RPA2: variants seen among roughly 807,000 people sequenced by gnomAD.
RPA2 encodes the protein replication protein A 32 kDa subunit.
A neutral mutation model predicts 33.4 loss-of-function variants in RPA2; 22 were observed. The observed-to-expected ratio is 0.66, with a 90% CI of 0.47 to 0.94. The LOEUF (loss-of-function observed/expected upper bound fraction) is 0.94. RPA2 is among the 40% of genes least tolerant of loss of function. The probability of loss-of-function intolerance (pLI) is 0.00; values close to 1 mark genes in which losing one functional copy is unlikely to be tolerated. For synonymous variants in RPA2, 109 were observed against 114.9 expected (o/e 0.95, Z 0.33); for missense variants, 279 against 329.9 (o/e 0.85, Z 1.19).
intron 2 of RPA2, among the ~76,000 whole-genome samples, chr1:27,908,893 G>A (rs879183945): frequency 2.0e-5 from 3 of 152,140 alleles, no homozygotes; most frequent in Admixed American, 2.0e-4. Context: ...TGAATATGAT[G>A]GGACAGGATT....
chr1:27,903,337 T>A (rs974686629), intron 4 of RPA2, among the ~76,000 whole-genome samples: 1 of 152,212 alleles, frequency 6.6e-6, no homozygotes, highest in Admixed American at 6.5e-5. Context: ...CCTGACTGGG[T>A]CCACTGTTAA....
chr1:27,902,119 C>T (rs2089975206), intron 4 of RPA2, among the ~76,000 whole-genome samples: 1 of 151,880 alleles, frequency 6.6e-6, no homozygotes, highest in Non-Finnish European at 1.5e-5. Flanking sequence ...TGGAATATTG[C>T]TCTGATGCCC....
chr1:27,899,513 G>GAAAAAAAAAAAAAAAAAAA (rs67126026), intron 4 of RPA2, among the ~76,000 whole-genome samples: 1 of 107,556 alleles, frequency 9.3e-6, no homozygotes, highest in African/African-American at 3.5e-5. Context: ...AAAAAAAAAA[G>GAAAAAAAAAAAAAAAAAAA]AAAAAAAAAA....
rs1418128231 is a variant in RPA2, at chr1:27,892,113, G to A, written c.*50C>T. 1.6e-5 allele frequency: 24 copies of A among 1,486,246 alleles called. No homozygotes were observed. The highest frequency in any genetic ancestry group is 2.1e-5 in the Non-Finnish European group (22 of 1,066,172). The allele number at this position is 1,486,246 out of a possible 1,614,324, so 92.1% of individuals were successfully genotyped here. On this transcript the variant is annotated 3_prime_UTR_variant, in exon 9 of 9. Transcript: ENST00000373912. ...TATGCAGAGCTGGAGACAACAGATT[G>A]TGAAACTAGGTCCAGCTGTAAAATA...
chr1:27,913,685 G>A (rs1454181565), intron 2 of RPA2, among the ~76,000 whole-genome samples: 1 of 152,050 alleles, frequency 6.6e-6, no homozygotes, highest in Non-Finnish European at 1.5e-5. Context: ...GAGAGGCCGA[G>A]GTGGGAGGAT....
At chr1:27,908,282 CAG>C (rs1342282432) in intron 2 of RPA2, among the ~76,000 whole-genome samples, 2 of 151,600 alleles carry the variant, frequency 1.3e-5, no homozygotes, top group African/African-American at 2.4e-5. Flanking sequence ...CCACCACATC[CAG>C]TCAATTAAAA....
At chr1:27,913,007 C>T (rs1218378691) in intron 2 of RPA2, among the ~76,000 whole-genome samples, 1 of 152,122 alleles carries the variant, frequency 6.6e-6, no homozygotes, top group Non-Finnish European at 1.5e-5. Flanking sequence ...GGCTGGAGTG[C>T]AGTGGCATCA....
intron 2 of RPA2, among the ~76,000 whole-genome samples, chr1:27,913,601 A>G (rs1296057207): frequency 3.3e-5 from 5 of 151,682 alleles, no homozygotes; most frequent in Admixed American, 6.6e-5. Context: ...AAAAAAAAAA[A>G]AAGAATGTAA....
intron 2 of RPA2, among the ~76,000 whole-genome samples, chr1:27,910,662 A>G (rs145928448): frequency 6.6e-4 from 101 of 152,318 alleles, no homozygotes; most frequent in African/African-American, 2.4e-3. Flanking sequence ...GTTCAATCAT[A>G]TTGAACAAAT....
intron 4 of RPA2, among the ~76,000 whole-genome samples, chr1:27,905,284 G>A (rs1364595525): frequency 2.0e-5 from 3 of 152,010 alleles, no homozygotes; most frequent in Admixed American, 6.6e-5. Flanking sequence ...AGTATTTTGA[G>A]ATTGCTTTAT....
At chr1:27,914,668 A>G (rs41544619), upstream of RPA2, 7,092 of 1,613,222 alleles carry the variant, frequency 4.4e-3, 35 homozygotes, top group South Asian at 9.4e-3. Context: ...CATGCTCCAG[A>G]AAACGCGTAC....
chr1:27,909,716 G>GAA (rs1031564190), intron 2 of RPA2, among the ~76,000 whole-genome samples: 1 of 135,532 alleles, frequency 7.4e-6, no homozygotes. Context: ...CTCAAAAAGA[G>GAA]AAAAAAAAAA....
In RPA2 at chr1:27,892,259, G is replaced by GA; in HGVS notation, c.729-13dup. The GA allele has an allele frequency of 6.3e-7, 1 of 1,585,826 alleles. No individual in the cohort carries two copies. On this transcript the variant is annotated splice_polypyrimidine_tract_variant and intron_variant, in intron 8 of 8. Transcript: ENST00000373912. ...AATCCACAGCTTGCCTAGAAAGAAA[G>GA]AAGAAAAAAAAAAGGTCATTTTCAG... is the stretch of plus-strand genomic sequence containing the variant.
At position 27,911,247 on chromosome 1, in the gene RPA2, C is replaced by T. The variant is rs113996606; in HGVS notation, c.117+2816G>A. Reference sequence around the variant, plus strand: ...TAAAAATAAAAACAAAAAGACTGTCCGGGTGTGGTGGCTCATGCCTGTAAT... The same window carrying T: ...TAAAAATAAAAACAAAAAGACTGTCTGGGTGTGGTGGCTCATGCCTGTAAT... On this transcript the variant is annotated intron_variant, in intron 2 of 8. Transcript: ENST00000373912. 1.6e-3 allele frequency among the ~76,000 whole-genome samples: 249 copies of T among 151,934 alleles called. 1 individual carries two copies. Among genetic ancestry groups the T allele is most frequent in the African/African-American group, 5.4e-3 (224 of 41,452 alleles).
At chr1:27,896,705 GGAGCTAAGAGCTATATAA>G (rs566183315) in intron 6 of RPA2, among the ~76,000 whole-genome samples, 186 of 152,270 alleles carry the variant, frequency 1.2e-3, no homozygotes, top group African/African-American at 4.0e-3. Context: ...TGACAATCCT[GGAGCTAAGAGCTATATAA>G]GAGCTAAGAG....
Position 27,893,889 on chromosome 1 carries a change from G to A in RPA2, c.728+123C>T, listed in dbSNP as rs112002634. 9.3e-3 allele frequency: 6,972 copies of A among 748,898 alleles called. 324 individuals carry two copies. In the African/African-American group the frequency reaches 0.11, roughly 11 times the overall value. 46.4% of individuals were successfully genotyped at this position (748,898 alleles called of 1,614,324 possible). On this transcript the variant is annotated intron_variant, in intron 8 of 8. Coordinates refer to ENST00000373912, the MANE Select transcript of RPA2 (RefSeq NM_002946.5). The stretch of plus-strand genomic sequence containing the variant: ...CTCCCAAAGTGCTGAGATTACAGGC[G>A]TGAGCCACCATGCCCGGCTGCCAAG...
At chr1:27,910,884 G>A (rs747165006) in intron 2 of RPA2, among the ~76,000 whole-genome samples, 9 of 151,902 alleles carry the variant, frequency 5.9e-5, no homozygotes, top group South Asian at 2.1e-4. Context: ...AGAATAGGGC[G>A]TTTACCTAAC....
intron 4 of RPA2, among the ~76,000 whole-genome samples, chr1:27,903,836 GGCA>G (rs1369930625): frequency 7.1e-6 from 1 of 140,078 alleles, no homozygotes; most frequent in Non-Finnish European, 1.5e-5. Flanking sequence ...GGCCAGCCTA[GGCA>G]GCAAGCCAAG....
chr1:27,905,367 C>A (rs1365059443), intron 4 of RPA2, among the ~76,000 whole-genome samples: 1 of 152,184 alleles, frequency 6.6e-6, no homozygotes, highest in African/African-American at 2.4e-5. Flanking sequence ...GATCTCGGCT[C>A]ACTGCAACCT....
Sources: allele counts gnomAD v4.1 joint callset (sites outside exome capture counted in the v4.1 genomes callset), GRCh38; gene constraint gnomAD v4.1.1; transcripts MANE v1.5; gene names NCBI Gene and HGNC (gene_info 2026-07-23, HGNC 2026-07-21).